The following CREB5 variants were observed in gnomAD, a reference collection of about 807,000 sequenced individuals.
CREB5 encodes cAMP responsive element binding protein 5.
Under a neutral mutation model 57.1 loss-of-function variants are expected in CREB5, and 19 were observed. The ratio of observed to expected loss-of-function variants is 0.33; its 90% CI spans 0.23 to 0.49. The LOEUF is 0.49. CREB5 is among the 20% of genes least tolerant of loss of function. CREB5 has a pLI of 0.99. For missense variants in CREB5, 579 were observed against 671.6 expected (o/e 0.86, Z 1.52); for synonymous variants, 238 against 238.3 (o/e 1.00, Z 0.01).
At chr7:28,371,171 C>A (rs1786697650) in intron 1 of CREB5, among the ~76,000 whole-genome samples, 1 of 152,088 alleles carries the variant, frequency 6.6e-6, no homozygotes, top group Non-Finnish European at 1.5e-5. Context: ...GACCGGGCAG[C>A]AGCAGAAGAT....
In CREB5 at chr7:28,434,569, C is replaced by T. The variant is rs77301358; in HGVS notation, c.3+21652C>T. On this transcript the variant is annotated intron_variant, in intron 1 of 10. Transcript: ENST00000357727. ...AAAAACAAGACAAAATGTTGTATCT[C>T]CATAGATTATTGTAACTCAATAATT... Among the ~76,000 whole-genome samples, 530 of 152,196 alleles carry T rather than the reference C, an allele frequency of 3.5e-3. 3 individuals are homozygous for T. Among genetic ancestry groups the T allele is most frequent in the Admixed American group, 6.7e-3 (102 of 15,274 alleles).
At chr7:28,678,896 G>A (rs1410184910) in intron 5 of CREB5, among the ~76,000 whole-genome samples, 1 of 152,162 alleles carries the variant, frequency 6.6e-6, no homozygotes, top group African/African-American at 2.4e-5. Flanking sequence ...TCTGCTCAGT[G>A]TAAGAGAAGG....
chr7:28,602,769 C>G (rs1796973089), intron 5 of CREB5, among the ~76,000 whole-genome samples: 1 of 152,136 alleles, frequency 6.6e-6, no homozygotes, highest in Admixed American at 6.6e-5. Flanking sequence ...GGTGATGGAA[C>G]AGTTTTGTGT....
chr7:28,643,752 G>GGA (rs750363040), intron 5 of CREB5, among the ~76,000 whole-genome samples: 11 of 18,298 alleles, frequency 6.0e-4, no homozygotes, highest in African/African-American at 1.8e-3. Context: ...TTTGGGAGGT[G>GGA]GGGGGGGGCG....
intron 4 of CREB5, among the ~76,000 whole-genome samples, chr7:28,527,748 T>C (rs1793508476): frequency 6.6e-6 from 1 of 152,036 alleles, no homozygotes; most frequent in African/African-American, 2.4e-5. Flanking sequence ...AGCCCAGGAG[T>C]TTGAGGTTGC....
rs532626876 is a variant in CREB5 at position 28,316,374 on chromosome 7, C to T, written c.-25+16933C>T. On this transcript the variant is annotated intron_variant, in intron 1 of 9. Transcript: ENST00000396299. Reference sequence around the variant, plus strand: ...GGAAAACCTGAGCCAAAAAGCTGGCCCGGGGACACTGCTGGGCCAGAAAAA... The same window carrying T: ...GGAAAACCTGAGCCAAAAAGCTGGCTCGGGGACACTGCTGGGCCAGAAAAA... Among the ~76,000 whole-genome samples the T allele has an allele frequency of 3.3e-5, 5 of 151,944 alleles. No individual in the cohort carries two copies. The South Asian group carries it at 8.3e-4, about 25-fold the overall frequency.
intron 5 of CREB5, among the ~76,000 whole-genome samples, chr7:28,676,403 T>C (rs1317582059): frequency 1.3e-5 from 2 of 152,196 alleles, no homozygotes; most frequent in East Asian, 3.9e-4. Context: ...ATAGAAATTA[T>C]GTAAGGAGTC....
chr7:28,342,572 T>C (rs1785958449), intron 1 of CREB5, among the ~76,000 whole-genome samples: 1 of 152,244 alleles, frequency 6.6e-6, no homozygotes, highest in Non-Finnish European at 1.5e-5. Flanking sequence ...GGCAAGATTA[T>C]AAAACATAAG....
chr7:28,369,074 A>T (rs1236441332), intron 1 of CREB5, among the ~76,000 whole-genome samples: 4 of 152,112 alleles, frequency 2.6e-5, no homozygotes, highest in South Asian at 4.2e-4. Flanking sequence ...ACAAACAAAC[A>T]AAATAAATTG....
At chr7:28,760,651 G>A (rs1175835783) in intron 7 of CREB5, among the ~76,000 whole-genome samples, 2 of 152,164 alleles carry the variant, frequency 1.3e-5, no homozygotes, top group Non-Finnish European at 2.9e-5. Context: ...CCAAAATATA[G>A]CATTCTCTTA....
At chr7:28,625,473 C>T (rs1797964496) in intron 5 of CREB5, among the ~76,000 whole-genome samples, 1 of 152,160 alleles carries the variant, frequency 6.6e-6, no homozygotes, top group Non-Finnish European at 1.5e-5. Flanking sequence ...CCCATGTTCT[C>T]AGAGTTGACT....
intron 7 of CREB5, among the ~76,000 whole-genome samples, chr7:28,796,500 A>G (rs1213388962): frequency 1.3e-5 from 2 of 152,094 alleles, no homozygotes; most frequent in African/African-American, 2.4e-5. Context: ...ACTCTGCTGT[A>G]TATCTTTATG....
intron 4 of CREB5, among the ~76,000 whole-genome samples, chr7:28,515,701 T>A (rs2128611802): frequency 6.6e-6 from 1 of 152,286 alleles, no homozygotes; most frequent in South Asian, 2.1e-4. Context: ...AGTCCTCAGA[T>A]CTTCCCTTTA....
At chr7:28,615,902 A>C (rs1457700376) in intron 5 of CREB5, 1 of 152,174 alleles carries the variant, frequency 6.6e-6, no homozygotes, top group Non-Finnish European at 1.5e-5. Context: ...CAACTATGTC[A>C]TTGTCACTGG....
chr7:28,424,164 G>A (rs541676528), intron 1 of CREB5, among the ~76,000 whole-genome samples: 4 of 152,290 alleles, frequency 2.6e-5, no homozygotes, highest in South Asian at 2.1e-4. Context: ...CATATTACAT[G>A]AGAGCCCACA....
intron 5 of CREB5, among the ~76,000 whole-genome samples, chr7:28,636,554 T>C (rs1459922508): frequency 2.0e-5 from 3 of 152,212 alleles, no homozygotes; most frequent in African/African-American, 7.2e-5. Flanking sequence ...TGTTTAATGT[T>C]CCCTTTCCTA....
chr7:28,560,973 CGTGTGTGCGTGCGTGTGTGTGCCT>C (rs1795223390), intron 4 of CREB5, among the ~76,000 whole-genome samples: 7 of 31,716 alleles, frequency 2.2e-4, no homozygotes, highest in Non-Finnish European at 3.3e-4. Context: ...TGTGTGTGTG[CGTGTGTGCGTGCGTGTGTGTGCCT>C]GCGTGTGCGT....
chr7:28,571,159 G>A (rs2063202008), intron 5 of CREB5, among the ~76,000 whole-genome samples: 1 of 152,144 alleles, frequency 6.6e-6, no homozygotes, highest in South Asian at 2.1e-4. Flanking sequence ...ATCCTGGGGG[G>A]CATAGCTTGG....
chr7:28,612,695 T>C (rs897949425), intron 5 of CREB5, among the ~76,000 whole-genome samples: 2 of 151,992 alleles, frequency 1.3e-5, no homozygotes, highest in Non-Finnish European at 2.9e-5. Flanking sequence ...ATGTATGCTA[T>C]AGCTTTTAAA....
Sources: gnomAD v4.1 joint callset for allele counts (sites outside exome capture counted in the v4.1 genomes callset) on GRCh38, gnomAD v4.1.1 for gene constraint, MANE v1.5 for transcripts, NCBI Gene and HGNC (gene_info 2026-07-23, HGNC 2026-07-21) for gene names.